The following RPA3 variants were observed in gnomAD, a reference collection of about 807,000 sequenced individuals.
The protein encoded by RPA3 is replication protein A 14 kDa subunit.
A neutral mutation model predicts 13.7 loss-of-function variants in RPA3; 24 were observed. The observed-to-expected ratio is 1.75, with a 90% confidence interval of 1.27 to 2.46. The LOEUF is 2.46. Among genes scored for constraint, RPA3 ranks in the 30% most tolerant of loss-of-function variants. RPA3 has a pLI of 0.00. For synonymous variants in RPA3, 59 were observed against 51.2 expected, an observed-to-expected ratio of 1.15 and a Z score of -0.65; for missense variants, 183 against 151.0, an observed-to-expected ratio of 1.21 and a Z score of -1.11.
At chr7:7,656,444 C>A (rs763186936) in intron 4 of RPA3, among the ~76,000 whole-genome samples, 11 of 152,078 alleles carry the variant, frequency 7.2e-5, no homozygotes, top group Non-Finnish European at 1.3e-4. Context: ...TTAGGTATTT[C>A]TTCTAATGCT....
At chr7:7,650,105 G>A (rs1473553797) in intron 4 of RPA3, among the ~76,000 whole-genome samples, 2 of 152,136 alleles carry the variant, frequency 1.3e-5, no homozygotes, top group Non-Finnish European at 2.9e-5. Flanking sequence ...AGTTACTTTG[G>A]GTCAAGACAG....
chr7:7,657,229 T>A (rs1199348103), intron 4 of RPA3, among the ~76,000 whole-genome samples: 1 of 150,284 alleles, frequency 6.7e-6, no homozygotes, highest in African/African-American at 2.4e-5. Flanking sequence ...GTCAGATGGA[T>A]AGATCACAAA....
At chr7:7,660,130 GT>G (rs966788068) in intron 4 of RPA3, among the ~76,000 whole-genome samples, 2 of 151,962 alleles carry the variant, frequency 1.3e-5, no homozygotes, top group Non-Finnish European at 2.9e-5. Context: ...AAACCCTGCT[GT>G]TTTTTGCTTT....
At chr7:7,660,874 T>C (rs1028096292) in intron 4 of RPA3, among the ~76,000 whole-genome samples, 1 of 152,250 alleles carries the variant, frequency 6.6e-6, no homozygotes, top group Admixed American at 6.5e-5. Context: ...GAAGTTCTCC[T>C]GGATAATATC....
chr7:7,709,225 G>T (rs537418623), intron 2 of RPA3, among the ~76,000 whole-genome samples: 4 of 152,228 alleles, frequency 2.6e-5, no homozygotes, highest in Admixed American at 1.3e-4. Context: ...TCAATTATAT[G>T]TGTGAATAAT....
At chr7:7,716,668 C>T (rs752590287) in intron 1 of RPA3, among the ~76,000 whole-genome samples, 4 of 152,178 alleles carry the variant, frequency 2.6e-5, no homozygotes, top group Admixed American at 6.5e-5. Flanking sequence ...CCGGCGCGGC[C>T]GGCGCGGTGG....
At position 7,677,654 on chromosome 7, in the gene RPA3, C is replaced by CTGTTTTTT. The variant is rs1295418410; in HGVS notation, c.-758+8168_-758+8175dup. 1.5e-4 allele frequency among the ~76,000 whole-genome samples: 20 copies of CTGTTTTTT among 136,028 alleles called. 1 individual carries two copies. The highest frequency in any genetic ancestry group is 2.4e-4 in the South Asian group (1 of 4,224). The allele number at this position is 136,028 out of a possible 152,430, so 89.2% of individuals were successfully genotyped here. On this transcript the variant is annotated intron_variant, in intron 4 of 7. Transcript: ENST00000223129. Reference sequence around the variant, plus strand: ...TACCACATTTTCTTTATCTATTCATCTGTTTTTTTGTTTTTTTTTTTTTTT... The same window carrying CTGTTTTTT: ...TACCACATTTTCTTTATCTATTCATCTGTTTTTTTGTTTTTTTGTTTTTTTTTTTTTTT...
intron 4 of RPA3, among the ~76,000 whole-genome samples, chr7:7,677,144 T>TA (rs1290988667): frequency 2.8e-4 from 42 of 152,300 alleles, no homozygotes; most frequent in Middle Eastern, 3.4e-3. Context: ...TGTATATATT[T>TA]ACAGGGTACA....
intron 2 of RPA3, among the ~76,000 whole-genome samples, chr7:7,697,522 G>T (rs923829536): frequency 1.1e-4 from 16 of 152,076 alleles, no homozygotes; most frequent in Admixed American, 3.3e-4. Flanking sequence ...GCTTCCTTTT[G>T]TGGCAGTCCT....
chr7:7,656,203 G>A lies in RPA3; in HGVS notation c.-757-15028C>T, dbSNP rs552137085. On this transcript the variant is annotated intron_variant, in intron 4 of 7. Transcript: ENST00000223129. Reference sequence around the variant, plus strand: ...TTCTTCTGTATACACCATTGTAAAAGCTGCGTGGTTCTGAGGGTGGAAGTG... The same window carrying A: ...TTCTTCTGTATACACCATTGTAAAAACTGCGTGGTTCTGAGGGTGGAAGTG... Among the ~76,000 whole-genome samples, 10 of 151,886 alleles carry A rather than the reference G, an allele frequency of 6.6e-5. No homozygotes were observed. The East Asian group carries it at 1.9e-3, about 29-fold the overall frequency.
chr7:7,662,958 A>G (rs1289803211), intron 4 of RPA3, among the ~76,000 whole-genome samples: 1 of 152,212 alleles, frequency 6.6e-6, no homozygotes, highest in Non-Finnish European at 1.5e-5. Flanking sequence ...GTGAAATTAA[A>G]AAGTACATAA....
intron 4 of RPA3, among the ~76,000 whole-genome samples, chr7:7,680,349 A>G (rs1779878636): frequency 6.6e-6 from 1 of 152,146 alleles, no homozygotes; most frequent in African/African-American, 2.4e-5. Flanking sequence ...AGTTCATTGT[A>G]AATGTGTGAA....
At chr7:7,697,536 CA>C (rs1429542881) in intron 2 of RPA3, among the ~76,000 whole-genome samples, 1 of 152,108 alleles carries the variant, frequency 6.6e-6, no homozygotes, top group Non-Finnish European at 1.5e-5. Flanking sequence ...CAGTCCTGCT[CA>C]AAATTTTCCA....
At chr7:7,646,577 C>T (rs534643332) in intron 4 of RPA3, among the ~76,000 whole-genome samples, 8 of 149,664 alleles carry the variant, frequency 5.3e-5, no homozygotes, top group Admixed American at 1.3e-4. Flanking sequence ...TCCCCAGCCA[C>T]GTGGAACTGT....
intron 2 of RPA3, among the ~76,000 whole-genome samples, chr7:7,712,443 C>T (rs1222456006): frequency 6.6e-6 from 1 of 151,922 alleles, no homozygotes; most frequent in Non-Finnish European, 1.5e-5. Context: ...CAGATTTATT[C>T]TTAGAGTGCT....
At chr7:7,696,824 C>A (rs1430722416) in intron 2 of RPA3, among the ~76,000 whole-genome samples, 3 of 151,948 alleles carry the variant, frequency 2.0e-5, no homozygotes, top group African/African-American at 7.3e-5. Context: ...GATGTTCTCT[C>A]TTTTTCTTTC....
chr7:7,659,532 A>T (rs1281252740), intron 4 of RPA3, among the ~76,000 whole-genome samples: 3 of 152,212 alleles, frequency 2.0e-5, no homozygotes, highest in African/African-American at 7.2e-5. Context: ...TTCAAAGAAC[A>T]TCTTTATTTC....
At chr7:7,704,558 A>G (rs1780547275) in intron 2 of RPA3, among the ~76,000 whole-genome samples, 1 of 149,244 alleles carries the variant, frequency 6.7e-6, no homozygotes, top group South Asian at 2.1e-4. Flanking sequence ...GTTCAAGACT[A>G]GCCTGGCCAA....
At chr7:7,693,450 G>A (rs1780229521) in intron 2 of RPA3, among the ~76,000 whole-genome samples, 1 of 152,096 alleles carries the variant, frequency 6.6e-6, no homozygotes, top group African/African-American at 2.4e-5. Context: ...GGGAAAAGAT[G>A]TTTTGGGGGA....
Sources: gnomAD v4.1 joint callset for allele counts (sites outside exome capture counted in the v4.1 genomes callset) on GRCh38, gnomAD v4.1.1 for gene constraint, MANE v1.5 for transcripts, NCBI Gene and HGNC (gene_info 2026-07-23, HGNC 2026-07-21) for gene names.